The following IP6K3 variants were observed in gnomAD, a reference collection of about 807,000 sequenced individuals.
The protein encoded by IP6K3 is inositol hexakisphosphate kinase 3, also known as ATP:1D-myo-inositol-hexakisphosphate phosphotransferase.
In IP6K3, 20 loss-of-function variants were observed where a neutral mutation model predicts 28.8. The observed-to-expected ratio is 0.70, with a 90% CI of 0.49 to 1.01. IP6K3 has a LOEUF of 1.01. Ranked by LOEUF, IP6K3 falls within the 50% of genes least tolerant of loss-of-function variation. The probability of loss-of-function intolerance (pLI) is 0.00; values close to 1 mark genes in which losing one functional copy is unlikely to be tolerated. For synonymous variants in IP6K3, 213 were observed against 221.3 expected, an observed-to-expected ratio of 0.96 and a Z score of 0.33; for missense variants, 480 against 537.1, an observed-to-expected ratio of 0.89 and a Z score of 1.05.
chr6:33,761,105 G>T, the IP6K3 span, among the ~76,000 whole-genome samples: 1 of 152,144 alleles, frequency 6.6e-6, no homozygotes, highest in Non-Finnish European at 1.5e-5. Context: ...TTTGGCTCTG[G>T]CTTGGTTTTG....
the IP6K3 span, among the ~76,000 whole-genome samples, chr6:33,753,600 T>C: frequency 9.2e-5 from 14 of 151,856 alleles, no homozygotes; most frequent in East Asian, 2.5e-3. Flanking sequence ...GGGGTGGGAG[T>C]GGGGATGGAG....
At chr6:33,730,879 T>A (rs938655900) in intron 2 of IP6K3, among the ~76,000 whole-genome samples, 9 of 152,214 alleles carry the variant, frequency 5.9e-5, no homozygotes, top group Admixed American at 4.6e-4. Flanking sequence ...ACATTCCTGC[T>A]GTGTCCCCTG....
At chr6:33,760,262 G>A in the IP6K3 span, among the ~76,000 whole-genome samples, 1 of 152,254 alleles carries the variant, frequency 6.6e-6, no homozygotes, top group South Asian at 2.1e-4. Flanking sequence ...GCTCAGTGGA[G>A]ACTGCACCCC....
upstream of IP6K3, among the ~76,000 whole-genome samples, chr6:33,751,235 G>T (rs1042848247): frequency 7.9e-5 from 12 of 152,174 alleles, no homozygotes; most frequent in Non-Finnish European, 8.8e-5. The surrounding 1 kb of genome is among the most constrained non-coding windows in gnomAD (Gnocchi z 4.3). Flanking sequence ...CTTCCAGCCT[G>T]GGTGTTGGAT....
intron 1 of IP6K3, among the ~76,000 whole-genome samples, chr6:33,736,768 CAT>C (rs1018375355): frequency 2.0e-5 from 3 of 152,170 alleles, no homozygotes; most frequent in African/African-American, 7.2e-5. Context: ...GATACCATGA[CAT>C]AATTGCTGTG....
upstream of IP6K3, among the ~76,000 whole-genome samples, chr6:33,749,338 T>G (rs1766989874): frequency 6.6e-6 from 1 of 152,074 alleles, no homozygotes; most frequent in African/African-American, 2.4e-5. Context: ...ATCTGAGACA[T>G]ACAGCAGTAA....
At position 33,722,888 on chromosome 6, in the gene IP6K3, G is replaced by T; in HGVS notation, c.1065C>A (p.Ser355Arg). 1 of 1,614,174 alleles carries T rather than the reference G, an allele frequency of 6.2e-7. No individual in the cohort carries two copies. Among genetic ancestry groups the T allele is most frequent in the South Asian group, 1.1e-5 (1 of 91,078 alleles). Residue 355 changes from serine to arginine, a missense_variant, in exon 6 of 6, where the codon AGC (serine) becomes AGA (arginine). Coordinates refer to ENST00000293756, the MANE Select transcript of IP6K3 (RefSeq NM_054111.5). The stretch of plus-strand genomic sequence containing the variant: ...CAACCTTGGTGAGACCACCGGGAGA[G>T]CTACCGTGGGCTGCCTGGGGAGCCT... ...PHEAPQAAHG[S>R]SPGGLTKVDI...
chr6:33,749,578 G>A (rs1365524433), upstream of IP6K3, among the ~76,000 whole-genome samples: 3 of 149,800 alleles, frequency 2.0e-5, no homozygotes, highest in Non-Finnish European at 4.5e-5. Context: ...CACTGACTAG[G>A]AAGCAGCAGG....
chr6:33,758,830 C>T, the IP6K3 span, among the ~76,000 whole-genome samples: 2 of 152,186 alleles, frequency 1.3e-5, no homozygotes, highest in African/African-American at 4.8e-5. Flanking sequence ...AACTCCTGAC[C>T]TCAAGGGATC....
the IP6K3 span, among the ~76,000 whole-genome samples, chr6:33,753,969 T>C: frequency 6.6e-6 from 1 of 152,048 alleles, no homozygotes; most frequent in African/African-American, 2.4e-5. Context: ...CTACCATGCC[T>C]GGCTAATTTT....
chr6:33,757,422 C>T, the IP6K3 span, among the ~76,000 whole-genome samples: 1 of 152,196 alleles, frequency 6.6e-6, no homozygotes, highest in South Asian at 2.1e-4. Flanking sequence ...TGTCGTAACA[C>T]TAATGTAAAC....
chr6:33,724,435 T>C (rs994200224), intron 5 of IP6K3, among the ~76,000 whole-genome samples: 9 of 152,230 alleles, frequency 5.9e-5, no homozygotes, highest in Non-Finnish European at 1.3e-4. Context: ...CTGGTTTTGC[T>C]TTGAGCAGAC....
At chr6:33,751,714 G>C (rs558988422), upstream of IP6K3, among the ~76,000 whole-genome samples, 2 of 152,286 alleles carry the variant, frequency 1.3e-5, no homozygotes, top group South Asian at 4.1e-4. The surrounding 1 kb of genome is among the most constrained non-coding windows in gnomAD (Gnocchi z 4.3). Flanking sequence ...AAACAGAGTG[G>C]CCTAGCCGGG....
At chr6:33,756,606 A>G in the IP6K3 span, among the ~76,000 whole-genome samples, 603 of 152,312 alleles carry the variant, frequency 4.0e-3, 7 homozygotes, top group African/African-American at 0.013. Context: ...CCTTCTGAGC[A>G]TGGAACTTAT....
At chr6:33,726,928 G>C (rs1766141718) in intron 3 of IP6K3, 22 bp from the exon 4 acceptor site, 6 of 1,581,778 alleles carry the variant, frequency 3.8e-6, no homozygotes, top group Non-Finnish European at 5.2e-6. Flanking sequence ...TGGAGCACAG[G>C]ACGGTCAGAG....
At chr6:33,752,091 C>A in the IP6K3 span, among the ~76,000 whole-genome samples, 1 of 152,132 alleles carries the variant, frequency 6.6e-6, no homozygotes, top group Non-Finnish European at 1.5e-5. Context: ...ACCTCCCAGG[C>A]CAGGACAGTG....
At chr6:33,757,899 C>T in the IP6K3 span, among the ~76,000 whole-genome samples, 3 of 152,220 alleles carry the variant, frequency 2.0e-5, no homozygotes. Flanking sequence ...AGGTAAAAGT[C>T]TCTCAAACTG....
At chr6:33,740,441 T>C (rs1036537227) in intron 1 of IP6K3, among the ~76,000 whole-genome samples, 3 of 152,240 alleles carry the variant, frequency 2.0e-5, no homozygotes, top group African/African-American at 7.2e-5. Flanking sequence ...AATGAGGCCC[T>C]GGGCTGTCTG....
In IP6K3 at chr6:33,728,129, G is replaced by T. The variant is rs920560673; in HGVS notation, c.371C>A (p.Ala124Asp). 2.5e-6 allele frequency: 4 copies of T among 1,609,260 alleles called. No individual in the cohort carries two copies. The highest frequency in any genetic ancestry group is 3.4e-6 in the Non-Finnish European group (4 of 1,179,960). The change falls in exon 3 of 6, where the codon GCC becomes GAC. Residue 124 changes from alanine to aspartate, a missense_variant. Physicochemically the swap from Ala to Asp is moderately radical, Grantham distance 126. Coordinates refer to ENST00000293756, the MANE Select transcript of IP6K3 (RefSeq NM_054111.5). ...TGSNGSDCTL[A>D]QWPHAQLARS... ...TGCCAGCTGGGCATGCGGCCACTGG[G>T]CAAGGGTGCAGTCGCTGCCATTGCT...
Sources: allele counts gnomAD v4.1 joint callset (sites outside exome capture counted in the v4.1 genomes callset), GRCh38; gene constraint gnomAD v4.1.1; non-coding constraint Gnocchi (gnomAD v3.1); transcripts MANE v1.5; gene names NCBI Gene and HGNC (gene_info 2026-07-23, HGNC 2026-07-21).